The following NOX4 variants were observed in gnomAD, a reference collection of about 807,000 sequenced individuals.
NOX4 encodes the protein kidney oxidase-1.
Under a neutral mutation model 87.6 loss-of-function variants are expected in NOX4, and 69 were observed. That is an observed-to-expected ratio of 0.79 (90% CI 0.65 to 0.96). NOX4 has a LOEUF of 0.96. NOX4 is among the 40% of genes least tolerant of loss of function. The pLI is 0.00. For synonymous variants in NOX4, 275 were observed against 238.2 expected (o/e 1.15, Z -1.42); for missense variants, 680 against 681.5 (o/e 1.00, Z 0.02).
intron 12 of NOX4, among the ~76,000 whole-genome samples, chr11:89,370,906 T>C (rs1939387927): frequency 6.6e-6 from 1 of 152,010 alleles, no homozygotes; most frequent in African/African-American, 2.4e-5. Context: ...TTTCTGGAGC[T>C]ATTTTAAACC....
intron 12 of NOX4, among the ~76,000 whole-genome samples, chr11:89,355,351 T>C (rs2134977844): frequency 6.7e-6 from 1 of 148,198 alleles, no homozygotes; most frequent in Admixed American, 6.8e-5. Flanking sequence ...TATATAAAAT[T>C]AAGCCTGGAT....
intron 11 of NOX4, among the ~76,000 whole-genome samples, chr11:89,391,638 A>G (rs558129290): frequency 1.3e-5 from 2 of 151,462 alleles, no homozygotes; most frequent in Admixed American, 1.3e-4. Context: ...ATGTGCCTGT[A>G]GTCCCAACTA....
intron 2 of NOX4, among the ~76,000 whole-genome samples, chr11:89,473,758 T>A (rs1200945428): frequency 2.0e-5 from 3 of 152,148 alleles, no homozygotes; most frequent in African/African-American, 7.2e-5. Context: ...TAACTCGGCA[T>A]GTCTTTTAAC....
At chr11:89,447,308 G>A (rs1267024534) in intron 4 of NOX4, among the ~76,000 whole-genome samples, 1 of 151,970 alleles carries the variant, frequency 6.6e-6, no homozygotes, top group Admixed American at 6.6e-5. Flanking sequence ...GCTAAAAAAT[G>A]CAAAGTCATC....
chr11:89,328,021 G>A (rs1204106966), intron 17 of NOX4, among the ~76,000 whole-genome samples: 1 of 152,198 alleles, frequency 6.6e-6, no homozygotes, highest in Non-Finnish European at 1.5e-5. Context: ...ATTGCCTGGA[G>A]GCAATCTGCT....
At chr11:89,395,228 T>G (rs962618335) in intron 11 of NOX4, among the ~76,000 whole-genome samples, 5 of 152,208 alleles carry the variant, frequency 3.3e-5, no homozygotes, top group Non-Finnish European at 5.9e-5. Context: ...CATTGTGGTT[T>G]TGATTTGCAT....
At chr11:89,350,093 C>T (rs1462645079) in intron 13 of NOX4, among the ~76,000 whole-genome samples, 1 of 152,130 alleles carries the variant, frequency 6.6e-6, no homozygotes, top group Non-Finnish European at 1.5e-5. Flanking sequence ...ACAACTGTCA[C>T]ACCTATTCAT....
chr11:89,559,086 T>C, the NOX4 span, among the ~76,000 whole-genome samples: 1 of 152,074 alleles, frequency 6.6e-6, no homozygotes, highest in Non-Finnish European at 1.5e-5. Context: ...AAATGCATCA[T>C]AAATATTTAA....
At chr11:89,347,360 G>A (rs1366573147) in intron 13 of NOX4, among the ~76,000 whole-genome samples, 1 of 152,208 alleles carries the variant, frequency 6.6e-6, no homozygotes, top group Non-Finnish European at 1.5e-5. Flanking sequence ...CCTGCCCTGA[G>A]GCAAGCAATT....
intron 6 of NOX4, among the ~76,000 whole-genome samples, chr11:89,438,212 T>G (rs1944180530): frequency 7.0e-6 from 1 of 143,684 alleles, no homozygotes; most frequent in South Asian, 2.1e-4. Context: ...TATAATAATA[T>G]TAGTATTATT....
Position 89,402,307 on chromosome 11 carries a change from A to T in NOX4, c.846+19T>A, listed in dbSNP as rs768412124. 1 of 1,587,264 alleles carries T rather than the reference A, an allele frequency of 6.3e-7. No homozygotes were observed. Among genetic ancestry groups the T allele is most frequent in the Non-Finnish European group, 8.6e-7 (1 of 1,156,074 alleles). On this transcript the variant is annotated intron_variant, in intron 9 of 17. Coordinates refer to ENST00000263317, the MANE Select transcript of NOX4 (RefSeq NM_016931.5). ...ATGGAAACAAACTTTGTGGAGATCA[A>T]ACACAAAATTAATCTGACCTGTGGA...
chr11:89,523,354 T>C, the NOX4 span, among the ~76,000 whole-genome samples: 2 of 152,102 alleles, frequency 1.3e-5, no homozygotes, highest in Admixed American at 6.6e-5. Flanking sequence ...GCAGGTATAC[T>C]GATAACTTCA....
intron 2 of NOX4, among the ~76,000 whole-genome samples, chr11:89,489,354 C>A (rs752526508): frequency 1.4e-4 from 21 of 152,134 alleles, no homozygotes; most frequent in Non-Finnish European, 2.2e-4. Context: ...TGCACCCCCC[C>A]ACTCACCAAA....
intron 2 of NOX4, among the ~76,000 whole-genome samples, chr11:89,463,249 TAG>T (rs1243409674): frequency 6.6e-6 from 1 of 151,960 alleles, no homozygotes; most frequent in African/African-American, 2.4e-5. Flanking sequence ...TTCTACATCC[TAG>T]ATCAGCTGTG....
chr11:89,573,506 C>G, the NOX4 span, among the ~76,000 whole-genome samples: 1 of 152,140 alleles, frequency 6.6e-6, no homozygotes, highest in African/African-American at 2.4e-5. Flanking sequence ...CCACATGACT[C>G]AAACTTTTAA....
intron 8 of NOX4, among the ~76,000 whole-genome samples, chr11:89,409,769 T>C (rs1942378427): frequency 6.6e-6 from 1 of 152,156 alleles, no homozygotes; most frequent in Non-Finnish European, 1.5e-5. Context: ...AGATCATAGT[T>C]ATATAGGACA....
At chr11:89,587,937 T>C in the NOX4 span, among the ~76,000 whole-genome samples, 1 of 152,132 alleles carries the variant, frequency 6.6e-6, no homozygotes, top group Non-Finnish European at 1.5e-5. Flanking sequence ...TAACTTTATG[T>C]TTTCTCATTG....
rs138220924 is a variant in NOX4 at position 89,433,443 on chromosome 11, T to A, written c.476-587A>T. ...ATTAATGCAACAGGACAGGGTTAAC[T>A]TTCAGCACTCTTTCTGTTTTGGTTT... On this transcript the variant is annotated intron_variant, in intron 6 of 17. Transcript: ENST00000263317. Among the ~76,000 whole-genome samples, 39 of 152,176 alleles carry A rather than the reference T, an allele frequency of 2.6e-4. 2 individuals are homozygous for A. In the East Asian group the frequency reaches 7.3e-3, roughly 29 times the overall value.
At chr11:89,514,868 C>A in the NOX4 span, among the ~76,000 whole-genome samples, 3 of 151,814 alleles carry the variant, frequency 2.0e-5, no homozygotes, top group African/African-American at 7.2e-5. Flanking sequence ...TTTATATGTT[C>A]TCTTTTGTTT....
Sources: gnomAD v4.1 joint callset for allele counts (sites outside exome capture counted in the v4.1 genomes callset) on GRCh38, gnomAD v4.1.1 for gene constraint, MANE v1.5 for transcripts, NCBI Gene and HGNC (gene_info 2026-07-23, HGNC 2026-07-21) for gene names.